Variants in BEND7 observed in about 807,000 individuals in gnomAD.
BEND7 encodes the protein BEN domain containing 7.
In BEND7, 28 loss-of-function variants were observed where a neutral mutation model predicts 50.9. That is an observed-to-expected ratio of 0.55 (90% CI 0.41 to 0.75). The LOEUF is 0.75. Ranked by LOEUF, BEND7 falls within the 30% of genes least tolerant of loss-of-function variation. The probability of loss-of-function intolerance (pLI) is 0.00; values close to 1 mark genes in which losing one functional copy is unlikely to be tolerated. For missense variants in BEND7, 477 were observed against 491.3 expected, an observed-to-expected ratio of 0.97 and a Z score of 0.28; for synonymous variants, 170 against 183.9, an observed-to-expected ratio of 0.92 and a Z score of 0.61.
At chr10:13,524,715 A>C (rs2079329153) in intron 2 of BEND7, among the ~76,000 whole-genome samples, 1 of 151,898 alleles carries the variant, frequency 6.6e-6, no homozygotes, top group South Asian at 2.1e-4. Context: ...AGAATCCAAG[A>C]ATATTCTCTT....
rs141019045 is a variant in BEND7 at position 13,507,304 on chromosome 10, G to A, written c.146-7224C>T. Among the ~76,000 whole-genome samples, 468 of 152,234 alleles carry A rather than the reference G, an allele frequency of 3.1e-3. 4 individuals carry two copies. Among genetic ancestry groups the A allele is most frequent in the African/African-American group, 0.011 (437 of 41,548 alleles). ...ACTATCCTCTTGATCAGAACTGACT[G>A]ACTCTCTCTCCCCGCGCCAGTCTCA... On this transcript the variant is annotated intron_variant, in intron 2 of 8. Transcript: ENST00000466271.
At position 13,445,992 on chromosome 10, in the gene BEND7, G is replaced by A. The variant is rs536952689; in HGVS notation, c.1234+1274C>T. On this transcript the variant is annotated intron_variant, in intron 8 of 8. Transcript: ENST00000466271. Reference sequence around the variant, plus strand: ...GGTGATAAGAATGAGGCTGATATGCGTGCCCTGATATTCAGAGAATGACAA... The same window carrying A: ...GGTGATAAGAATGAGGCTGATATGCATGCCCTGATATTCAGAGAATGACAA... The A allele has an allele frequency of 6.6e-5, 10 of 152,176 alleles. 1 individual carries two copies. In the South Asian group the frequency reaches 8.3e-4, roughly 13 times the overall value. The allele number at this position is 152,176 out of a possible 1,614,324, so 9.4% of individuals were successfully genotyped here. A position where few individuals can be genotyped will look rare whatever the true frequency, so the allele number is the denominator to read the frequency against.
rs553713502 is a variant in BEND7, at chr10:13,502,446, T to G, written c.146-2366A>C. 5.3e-5 allele frequency among the ~76,000 whole-genome samples: 8 copies of G among 152,096 alleles called. No homozygotes were observed. The South Asian group carries it at 8.3e-4, about 16-fold the overall frequency. On this transcript the variant is annotated intron_variant, in intron 2 of 8. Transcript: ENST00000466271. ...TTTCTACTTCAAACCCCTGTGAAAA[T>G]TACAATATATAAACAATAAATCATA...
At chr10:13,474,058 G>T (rs182409823) in intron 6 of BEND7, among the ~76,000 whole-genome samples, 1 of 152,084 alleles carries the variant, frequency 6.6e-6, no homozygotes, top group African/African-American at 2.4e-5. Flanking sequence ...TAGATTTGGG[G>T]TCGATACCCA....
chr10:13,521,337 A>G (rs1402456643), intron 2 of BEND7, among the ~76,000 whole-genome samples: 1 of 152,172 alleles, frequency 6.6e-6, no homozygotes, highest in Non-Finnish European at 1.5e-5. Flanking sequence ...TCATCCATAA[A>G]GAGGGAAAAA....
intron 6 of BEND7, among the ~76,000 whole-genome samples, chr10:13,478,795 G>A (rs547385627): frequency 6.6e-6 from 1 of 152,050 alleles, no homozygotes; most frequent in East Asian, 1.9e-4. Flanking sequence ...TGTTGTTGGT[G>A]GCTTATGGGA....
At chr10:13,473,891 T>C (rs1429520502) in intron 6 of BEND7, among the ~76,000 whole-genome samples, 2 of 151,204 alleles carry the variant, frequency 1.3e-5, no homozygotes, top group Non-Finnish European at 2.9e-5. Flanking sequence ...TCGTCATTGC[T>C]GTTACACTCA....
rs867802840 is a variant in BEND7, at chr10:13,528,865, T to A, written c.-332A>T. On this transcript the variant is annotated 5_prime_UTR_variant, in exon 1 of 9. Transcript: ENST00000466271. ...CCGCCCGCCGCAGCCCAACTTTCCG[T>A]TGGGAGCGGGCCGGGCCGGGGCGCG... 7.2e-6 allele frequency: 1 copy of A among 138,436 alleles called. No individual in the cohort carries two copies. The highest frequency in any genetic ancestry group is 1.6e-5 in the Non-Finnish European group (1 of 63,226). 8.6% of individuals were successfully genotyped at this position (138,436 alleles called of 1,614,324 possible). A position where few individuals can be genotyped will look rare whatever the true frequency, so the allele number is the denominator to read the frequency against.
chr10:13,527,864 A>G (rs1488420359), intron 1 of BEND7: 1 of 983,034 alleles, frequency 1.0e-6, no homozygotes, highest in Non-Finnish European at 1.2e-6. Context: ...GTCAGAAACT[A>G]GATGGATTTC....
At chr10:13,484,538 A>C (rs1173367501) in intron 5 of BEND7, among the ~76,000 whole-genome samples, 2 of 152,196 alleles carry the variant, frequency 1.3e-5, no homozygotes, top group African/African-American at 2.4e-5. Flanking sequence ...GCTTACTGAT[A>C]GCTATGACAG....
At chr10:13,454,346 C>G (rs535695429) in intron 6 of BEND7, among the ~76,000 whole-genome samples, 79 of 152,264 alleles carry the variant, frequency 5.2e-4, no homozygotes, top group African/African-American at 1.8e-3. Flanking sequence ...TGGGTAATGC[C>G]TGTAATTTCA....
At chr10:13,442,606 T>C (rs1588594127) in intron 8 of BEND7, 1 of 152,210 alleles carries the variant, frequency 6.6e-6, no homozygotes, top group South Asian at 2.1e-4. Context: ...TAATATTAAG[T>C]ACATTTTTAG....
chr10:13,515,058 G>A (rs1247389406), intron 2 of BEND7, among the ~76,000 whole-genome samples: 3 of 152,158 alleles, frequency 2.0e-5, no homozygotes, highest in Non-Finnish European at 4.4e-5. Context: ...AGTAACTTAT[G>A]TAGCGTTCCA....
chr10:13,447,437 C>T lies in BEND7; in HGVS notation c.1184-121G>A, dbSNP rs541520483. On this transcript the variant is annotated intron_variant, in intron 7 of 8. Transcript: ENST00000466271. ...ACATAACTGTTTTCACCATTCTTTT[C>T]TGTTTTCAGCTACCGTTGGTTCATA... 19 of 876,992 alleles carry T rather than the reference C, an allele frequency of 2.2e-5. No individual in the cohort carries two copies. In the South Asian group the frequency reaches 3.0e-4, roughly 14 times the overall value. 54.3% of individuals were successfully genotyped at this position (876,992 alleles called of 1,614,324 possible). A position where few individuals can be genotyped will look rare whatever the true frequency, so the allele number is the denominator to read the frequency against.
chr10:13,512,301 G>A (rs1011358985), intron 2 of BEND7, among the ~76,000 whole-genome samples: 1 of 152,152 alleles, frequency 6.6e-6, no homozygotes, highest in Admixed American at 6.5e-5. Flanking sequence ...CTTGGTCCAT[G>A]TGAAGCCTGT....
At chr10:13,520,243 C>T (rs564864850) in intron 2 of BEND7, among the ~76,000 whole-genome samples, 1 of 152,212 alleles carries the variant, frequency 6.6e-6, no homozygotes, top group South Asian at 2.1e-4. Context: ...AGATAAAGTT[C>T]GGAAGTGCCC....
At chr10:13,477,400 G>C (rs2131643410) in intron 6 of BEND7, among the ~76,000 whole-genome samples, 1 of 152,250 alleles carries the variant, frequency 6.6e-6, no homozygotes, top group Non-Finnish European at 1.5e-5. Flanking sequence ...GATAGCCTTG[G>C]CACTATTATG....
At chr10:13,516,456 T>A (rs1025397981) in intron 2 of BEND7, among the ~76,000 whole-genome samples, 3 of 152,180 alleles carry the variant, frequency 2.0e-5, no homozygotes, top group Non-Finnish European at 4.4e-5. Flanking sequence ...CTGGGCGCGG[T>A]GGCTCACGCT....
chr10:13,517,663 G>A (rs2078787966), intron 2 of BEND7, among the ~76,000 whole-genome samples: 1 of 152,136 alleles, frequency 6.6e-6, no homozygotes, highest in Non-Finnish European at 1.5e-5. Flanking sequence ...TGAGTACCTT[G>A]AGCCCAGGAG....
Sources: allele counts gnomAD v4.1 joint callset (sites outside exome capture counted in the v4.1 genomes callset), GRCh38; gene constraint gnomAD v4.1.1; transcripts MANE v1.5; gene names NCBI Gene and HGNC (gene_info 2026-07-23, HGNC 2026-07-21).